Variants in JPH1 observed in about 807,000 individuals in gnomAD.
JPH1 encodes junctophilin-1.
In JPH1, 12 loss-of-function variants were observed where a neutral mutation model predicts 53.6. The observed-to-expected ratio is 0.22, with a 90% CI of 0.14 to 0.36. The LOEUF is 0.36. Among genes scored for constraint, JPH1 ranks in the 10% least tolerant of loss-of-function variants. The pLI, the probability that JPH1 is intolerant of heterozygous loss-of-function variation, is 1.00. For synonymous variants in JPH1, 375 were observed against 363.8 expected, an observed-to-expected ratio of 1.03 and a Z score of -0.35; for missense variants, 808 against 905.5, an observed-to-expected ratio of 0.89 and a Z score of 1.38.
intron 3 of JPH1, among the ~76,000 whole-genome samples, chr8:74,252,877 C>T (rs375814581): frequency 2.6e-5 from 4 of 152,160 alleles, no homozygotes; most frequent in East Asian, 1.9e-4. Flanking sequence ...TACAGGAGCA[C>T]CCAGATTCAT....
intron 2 of JPH1, among the ~76,000 whole-genome samples, chr8:74,276,065 G>A (rs890575232): frequency 6.6e-6 from 1 of 152,152 alleles, no homozygotes; most frequent in South Asian, 2.1e-4. Context: ...TTAAATGAAT[G>A]AAAGGGTTAT....
intron 2 of JPH1, among the ~76,000 whole-genome samples, chr8:74,272,121 G>A (rs947805039): frequency 1.2e-4 from 19 of 152,136 alleles, no homozygotes; most frequent in Non-Finnish European, 2.5e-4. Context: ...GATAACTTTT[G>A]AATGTGTGTT....
chr8:74,312,292 C>T (rs1010138149), intron 2 of JPH1, among the ~76,000 whole-genome samples: 25 of 152,260 alleles, frequency 1.6e-4, no homozygotes, highest in African/African-American at 6.0e-4. Flanking sequence ...TGCTGTGACA[C>T]TCAAGCTGGA....
At chr8:74,285,716 A>T (rs969013296) in intron 2 of JPH1, among the ~76,000 whole-genome samples, 6 of 152,216 alleles carry the variant, frequency 3.9e-5, no homozygotes, top group Non-Finnish European at 8.8e-5. Flanking sequence ...TGTAATCTGC[A>T]TTATATGCAA....
At chr8:74,272,503 C>T (rs1323717588) in intron 2 of JPH1, among the ~76,000 whole-genome samples, 2 of 151,364 alleles carry the variant, frequency 1.3e-5, no homozygotes, top group East Asian at 1.9e-4. Context: ...TTTTCCGAGA[C>T]GTCATAGTAA....
At chr8:74,244,297 G>A (rs1805783820) in intron 4 of JPH1, among the ~76,000 whole-genome samples, 1 of 152,144 alleles carries the variant, frequency 6.6e-6, no homozygotes, top group East Asian at 1.9e-4. Context: ...TTACCTACCT[G>A]AATTACATCT....
chr8:74,273,306 AATAC>A (rs1171019670), intron 2 of JPH1, among the ~76,000 whole-genome samples: 4 of 152,314 alleles, frequency 2.6e-5, no homozygotes, highest in Non-Finnish European at 5.9e-5. Flanking sequence ...ATTAGATTGA[AATAC>A]ATATATATCT....
intron 2 of JPH1, among the ~76,000 whole-genome samples, chr8:74,278,088 A>C (rs991714389): frequency 1.2e-4 from 19 of 152,302 alleles, no homozygotes; most frequent in African/African-American, 4.1e-4. Flanking sequence ...CTGTGTCCCC[A>C]CACAAATCTC....
intron 2 of JPH1, among the ~76,000 whole-genome samples, chr8:74,263,444 A>G (rs1366290970): frequency 6.6e-6 from 1 of 152,212 alleles, no homozygotes; most frequent in Non-Finnish European, 1.5e-5. Flanking sequence ...TTTCAAGAAA[A>G]TTATTAGAAA....
In JPH1 at chr8:74,321,289, C is replaced by T. The variant is rs1808317372; in HGVS notation, c.-2G>A. The T allele has an allele frequency of 6.4e-7, 1 of 1,559,528 alleles. No individual in the cohort carries two copies. The highest frequency in any genetic ancestry group is 8.7e-7 in the Non-Finnish European group (1 of 1,152,854). ...GAAGTCGAACCTTCCGCCCGTCATT[C>T]GGGGGGCAGCCCCGGCGCGCTCCCC... is the stretch of plus-strand genomic sequence containing the variant. On this transcript the variant is annotated 5_prime_UTR_variant, in exon 1 of 6. Coordinates refer to ENST00000342232, the MANE Select transcript of JPH1 (RefSeq NM_020647.4). This position sits in a 1 kb window ranked among gnomAD's most constrained non-coding sequence, Gnocchi z 4.3.
chr8:74,250,741 G>GC (rs1180872894), intron 3 of JPH1, among the ~76,000 whole-genome samples: 1 of 152,158 alleles, frequency 6.6e-6, no homozygotes, highest in Non-Finnish European at 1.5e-5. Flanking sequence ...TTGCTCTAAA[G>GC]CCTATGTCAC....
intron 3 of JPH1, among the ~76,000 whole-genome samples, chr8:74,251,577 A>T (rs1806062818): frequency 6.6e-6 from 1 of 152,244 alleles, no homozygotes; most frequent in Non-Finnish European, 1.5e-5. Flanking sequence ...GGAGAAAGCC[A>T]TCCCACATGG....
intron 2 of JPH1, among the ~76,000 whole-genome samples, chr8:74,280,554 G>C (rs1246382434): frequency 6.6e-6 from 1 of 152,154 alleles, no homozygotes; most frequent in Admixed American, 6.5e-5. Flanking sequence ...AGGAAGAAGG[G>C]AGGCAGGAAG....
At chr8:74,263,772 C>T (rs1257053155) in intron 2 of JPH1, among the ~76,000 whole-genome samples, 2 of 152,194 alleles carry the variant, frequency 1.3e-5, no homozygotes, top group Non-Finnish European at 2.9e-5. Flanking sequence ...TAACCAAAAA[C>T]ACATTCCTGG....
chr8:74,319,676 A>G (rs1275443363), intron 1 of JPH1, among the ~76,000 whole-genome samples: 1 of 152,234 alleles, frequency 6.6e-6, no homozygotes, highest in East Asian at 1.9e-4. Context: ...AAGCTTTTAT[A>G]TAAGCAATGG....
chr8:74,307,633 G>A (rs990841963), intron 2 of JPH1, among the ~76,000 whole-genome samples: 3 of 152,040 alleles, frequency 2.0e-5, no homozygotes, highest in Admixed American at 2.0e-4. Flanking sequence ...TGACTCAGAA[G>A]GCATCAGAAG....
Position 74,272,696 on chromosome 8 carries a change from C to T in JPH1, c.1140-13193G>A, listed in dbSNP as rs1435255574. Among the ~76,000 whole-genome samples, 4 of 151,500 alleles carry T rather than the reference C, an allele frequency of 2.6e-5. No individual in the cohort carries two copies. The East Asian group carries it at 5.8e-4, about 22-fold the overall frequency. ...TCGACTCACTGCAAGCTCCGCCTCC[C>T]GGGTTCACGCCATTCTCCTGCCTCA... On this transcript the variant is annotated intron_variant, in intron 2 of 5. Coordinates refer to ENST00000342232, the MANE Select transcript of JPH1 (RefSeq NM_020647.4).
At chr8:74,280,880 T>C (rs1466211281) in intron 2 of JPH1, among the ~76,000 whole-genome samples, 1 of 152,222 alleles carries the variant, frequency 6.6e-6, no homozygotes, top group African/African-American at 2.4e-5. Context: ...CAAATCATTA[T>C]GCTGGACTCT....
intron 4 of JPH1, among the ~76,000 whole-genome samples, chr8:74,239,983 A>T (rs1805646061): frequency 6.6e-6 from 1 of 151,870 alleles, no homozygotes; most frequent in Non-Finnish European, 1.5e-5. Flanking sequence ...TAGTTATTTT[A>T]TTTTTTGAGG....
Sources: allele counts gnomAD v4.1 joint callset (sites outside exome capture counted in the v4.1 genomes callset), GRCh38; gene constraint gnomAD v4.1.1; non-coding constraint Gnocchi (gnomAD v3.1); transcripts MANE v1.5; gene names NCBI Gene and HGNC (gene_info 2026-07-23, HGNC 2026-07-21).